Variants in GPC5 observed in about 807,000 individuals in gnomAD.
GPC5 encodes the protein glypican-5.
GPC5 carries 47 observed loss-of-function variants against 53.9 expected under a neutral mutation model. The observed-to-expected ratio is 0.87, with a 90% confidence interval of 0.69 to 1.11. The LOEUF is 1.11. Ranked by LOEUF, GPC5 falls within the 50% of genes most tolerant of loss-of-function variation. GPC5 has a pLI of 0.00. For synonymous variants in GPC5, 286 were observed against 263.3 expected (o/e 1.09, Z -0.84); for missense variants, 748 against 713.1 (o/e 1.05, Z -0.56).
intron 6 of GPC5, among the ~76,000 whole-genome samples, chr13:92,109,090 A>G (rs1355570394): frequency 8.3e-6 from 1 of 120,702 alleles, no homozygotes; most frequent in African/African-American, 3.2e-5. Context: ...TTTTTGAGAC[A>G]GGGTCTTAGT....
At chr13:92,189,554 T>C (rs577341233) in intron 7 of GPC5, among the ~76,000 whole-genome samples, 4 of 152,200 alleles carry the variant, frequency 2.6e-5, no homozygotes, top group African/African-American at 9.6e-5. Context: ...TTTACTTCAG[T>C]TTCTTTTACA....
intron 7 of GPC5, among the ~76,000 whole-genome samples, chr13:92,411,417 C>T (rs35660951): frequency 0.024 from 3,632 of 152,280 alleles, 75 homozygotes; most frequent in Non-Finnish European, 0.034. Flanking sequence ...ATTGACTCCA[C>T]ACTTGTATTT....
intron 7 of GPC5, among the ~76,000 whole-genome samples, chr13:92,175,489 C>G (rs1327841766): frequency 6.6e-6 from 1 of 152,042 alleles, no homozygotes; most frequent in African/African-American, 2.4e-5. Context: ...ACTGTGATGC[C>G]TACTGCTGTA....
At chr13:92,268,035 C>G (rs1402820418) in intron 7 of GPC5, among the ~76,000 whole-genome samples, 4 of 151,936 alleles carry the variant, frequency 2.6e-5, no homozygotes, top group Admixed American at 6.6e-5. Flanking sequence ...GTATCATATG[C>G]TTTCAGAAAC....
chr13:91,669,248 A>G (rs2035189121), intron 2 of GPC5, among the ~76,000 whole-genome samples: 1 of 152,246 alleles, frequency 6.6e-6, no homozygotes, highest in Non-Finnish European at 1.5e-5. Flanking sequence ...CATTACGAGC[A>G]CACTGCAAAC....
chr13:91,548,331 T>C (rs943311788), intron 2 of GPC5, among the ~76,000 whole-genome samples: 1 of 152,252 alleles, frequency 6.6e-6, no homozygotes, highest in East Asian at 1.9e-4. Context: ...CATGAACAAA[T>C]GGGATTTAAA....
chr13:92,511,509 G>T, intron 7 of GPC5, among the ~76,000 whole-genome samples: 1 of 152,072 alleles, frequency 6.6e-6, no homozygotes, highest in East Asian at 1.9e-4. Context: ...TTATTTCAGA[G>T]AAATCAGCTG....
chr13:91,625,979 T>A lies in GPC5; in HGVS notation c.326-67208T>A, dbSNP rs189467206. Among the ~76,000 whole-genome samples, 8 of 152,120 alleles carry A rather than the reference T, an allele frequency of 5.3e-5. No individual in the cohort carries two copies. In the East Asian group the frequency reaches 1.6e-3, roughly 30 times the overall value. On this transcript the variant is annotated intron_variant, in intron 2 of 7. Transcript: ENST00000377067. ...TAGTCTTTCAATTTCACTGATGGCATATTTTTGAAGTGATAATGGCCTCAT... is the reference window on the plus strand; with the variant it reads ...TAGTCTTTCAATTTCACTGATGGCAAATTTTTGAAGTGATAATGGCCTCAT...
At chr13:92,336,012 T>C (rs917405947) in intron 7 of GPC5, among the ~76,000 whole-genome samples, 2 of 152,174 alleles carry the variant, frequency 1.3e-5, no homozygotes, top group African/African-American at 2.4e-5. Context: ...TGCAATGTAG[T>C]AGTTCCAGCT....
intron 6 of GPC5, among the ~76,000 whole-genome samples, chr13:91,967,269 T>G (rs926543860): frequency 6.6e-6 from 1 of 152,176 alleles, no homozygotes; most frequent in Non-Finnish European, 1.5e-5. Flanking sequence ...TATCTCCCAC[T>G]GGTTCCCTCC....
At chr13:91,900,492 G>A (rs531702464) in intron 5 of GPC5, among the ~76,000 whole-genome samples, 16 of 152,032 alleles carry the variant, frequency 1.1e-4, no homozygotes, top group Middle Eastern at 3.4e-3. Context: ...TTTCAAACTC[G>A]TATAGCATTA....
At chr13:91,613,259 G>A (rs1295121741) in intron 2 of GPC5, among the ~76,000 whole-genome samples, 3 of 152,158 alleles carry the variant, frequency 2.0e-5, no homozygotes, top group Admixed American at 6.5e-5. Flanking sequence ...TGGCTGGGGA[G>A]GTCTCACAAT....
At chr13:92,136,683 A>G (rs1365155555) in intron 6 of GPC5, among the ~76,000 whole-genome samples, 1 of 152,122 alleles carries the variant, frequency 6.6e-6, no homozygotes. Context: ...CTTAAAGCAT[A>G]TTCATCTGCT....
At chr13:92,053,752 C>T (rs962780385) in intron 6 of GPC5, among the ~76,000 whole-genome samples, 8 of 151,814 alleles carry the variant, frequency 5.3e-5, no homozygotes, top group Admixed American at 1.3e-4. Context: ...ATTTCATGGC[C>T]GGGCGCGGTG....
At chr13:91,869,835 G>A (rs2039124443) in intron 5 of GPC5, among the ~76,000 whole-genome samples, 1 of 152,128 alleles carries the variant, frequency 6.6e-6, no homozygotes, top group Non-Finnish European at 1.5e-5. Context: ...GGTGACAGCA[G>A]AGGGAGAGAG....
At position 92,141,486 on chromosome 13, in the gene GPC5, G is replaced by T. The variant is rs930656133; in HGVS notation, c.1402-3344G>T. ...AGGGTACCATCTTCTCAGGAAGGTG[G>T]TATCTTACAGAAATGATGACCTCTC... On this transcript the variant is annotated intron_variant, in intron 6 of 7. Transcript: ENST00000377067. Among the ~76,000 whole-genome samples, 3 of 152,146 alleles carry T rather than the reference G, an allele frequency of 2.0e-5. No individual in the cohort carries two copies. In the East Asian group the frequency reaches 5.8e-4, roughly 29 times the overall value.
intron 1 of GPC5, among the ~76,000 whole-genome samples, chr13:91,406,634 T>C (rs2147190): frequency 0.64 from 96,660 of 152,062 alleles, 31,068 homozygotes; most frequent in South Asian, 0.68. Flanking sequence ...TTCAAAGTTC[T>C]CTGACCCAGA....
intron 7 of GPC5, among the ~76,000 whole-genome samples, chr13:92,315,519 C>T (rs1171070075): frequency 6.6e-6 from 1 of 152,176 alleles, no homozygotes; most frequent in Non-Finnish European, 1.5e-5. Context: ...GAACTCTATG[C>T]TTTCCGAAGT....
chr13:92,361,830 G>T (rs2043569951), intron 7 of GPC5, among the ~76,000 whole-genome samples: 1 of 151,696 alleles, frequency 6.6e-6, no homozygotes, highest in Non-Finnish European at 1.5e-5. Context: ...TAGCTGGTAA[G>T]AAAAGTCTTA....
Sources: gnomAD v4.1 joint callset for allele counts (sites outside exome capture counted in the v4.1 genomes callset) on GRCh38, gnomAD v4.1.1 for gene constraint, MANE v1.5 for transcripts, NCBI Gene and HGNC (gene_info 2026-07-23, HGNC 2026-07-21) for gene names.